Variants in TENM3 observed in about 807,000 individuals in gnomAD.
TENM3 encodes teneurin-3.
A neutral mutation model predicts 255.1 loss-of-function variants in TENM3; 63 were observed. The observed-to-expected ratio is 0.25, with a 90% CI of 0.20 to 0.30. The LOEUF is 0.30. TENM3 is among the 10% of genes least tolerant of loss of function. The pLI, the probability that TENM3 is intolerant of heterozygous loss-of-function variation, is 1.00. For synonymous variants in TENM3, 1,306 were observed against 1,322.3 expected, an observed-to-expected ratio of 0.99 and a Z score of 0.27; for missense variants, 2,929 against 3,461.1, an observed-to-expected ratio of 0.85 and a Z score of 3.86.
the TENM3 span, among the ~76,000 whole-genome samples, chr4:181,561,359 A>AAAT: frequency 6.6e-6 from 1 of 152,076 alleles, no homozygotes; most frequent in Non-Finnish European, 1.5e-5. Flanking sequence ...TTTCTTGAGT[A>AAAT]TGAAATTGAA....
chr4:182,504,637 G>A (rs1031105551), intron 3 of TENM3, among the ~76,000 whole-genome samples: 1 of 152,184 alleles, frequency 6.6e-6, no homozygotes, highest in African/African-American at 2.4e-5. Flanking sequence ...AAGAGGCCTA[G>A]GTGGGATTAA....
chr4:182,150,234 G>C (rs1210437028), intron 1 of TENM3, among the ~76,000 whole-genome samples: 1 of 151,642 alleles, frequency 6.6e-6, no homozygotes, highest in Non-Finnish European at 1.5e-5. Context: ...AAGAGGAAGG[G>C]AGGGGAGTAA....
chr4:181,577,964 G>A, the TENM3 span, among the ~76,000 whole-genome samples: 46 of 152,024 alleles, frequency 3.0e-4, no homozygotes, highest in Middle Eastern at 3.4e-3. Flanking sequence ...CCTTCAGTCC[G>A]TCCATCCTCC....
At chr4:181,636,148 C>T in the TENM3 span, among the ~76,000 whole-genome samples, 13 of 152,130 alleles carry the variant, frequency 8.5e-5, no homozygotes, top group South Asian at 8.3e-4. Context: ...CAGATTCAGG[C>T]GATTCTCCTA....
chr4:181,593,852 A>AT, the TENM3 span, among the ~76,000 whole-genome samples: 3 of 151,878 alleles, frequency 2.0e-5, no homozygotes, highest in Non-Finnish European at 4.4e-5. Context: ...ACAGTAACTA[A>AT]TTTTTTTTCA....
chr4:181,979,865 G>C, the TENM3 span, among the ~76,000 whole-genome samples: 1 of 152,114 alleles, frequency 6.6e-6, no homozygotes, highest in African/African-American at 2.4e-5. Flanking sequence ...AAGTTTGTTT[G>C]TTTGTTCGTT....
the TENM3 span, among the ~76,000 whole-genome samples, chr4:181,925,950 C>A: frequency 6.6e-6 from 1 of 152,180 alleles, no homozygotes; most frequent in Non-Finnish European, 1.5e-5. Flanking sequence ...AGTAAAATCA[C>A]TATTTTGAAT....
the TENM3 span, among the ~76,000 whole-genome samples, chr4:181,652,765 A>G: frequency 2.0e-5 from 3 of 152,216 alleles, no homozygotes; most frequent in Admixed American, 6.5e-5. Context: ...ATAGTAATCA[A>G]TGTTTTCAAA....
chr4:181,628,600 C>T, the TENM3 span, among the ~76,000 whole-genome samples: 1 of 152,192 alleles, frequency 6.6e-6, no homozygotes, highest in South Asian at 2.1e-4. Flanking sequence ...AATCCTTTCC[C>T]CATTGCTTGT....
intron 3 of TENM3, among the ~76,000 whole-genome samples, chr4:182,422,371 T>C (rs1175162859): frequency 6.6e-6 from 1 of 152,218 alleles, no homozygotes; most frequent in Non-Finnish European, 1.5e-5. Context: ...CCGCGTTGTT[T>C]TGACCTGTTG....
chr4:181,954,517 C>G, the TENM3 span, among the ~76,000 whole-genome samples: 1 of 152,110 alleles, frequency 6.6e-6, no homozygotes, highest in African/African-American at 2.4e-5. Flanking sequence ...TTTCTATGGG[C>G]TAATAATCCT....
At chr4:181,579,343 C>T in the TENM3 span, among the ~76,000 whole-genome samples, 2 of 152,142 alleles carry the variant, frequency 1.3e-5, no homozygotes, top group East Asian at 3.9e-4. Context: ...CTGTTCTGTC[C>T]ATTGCCACCA....
the TENM3 span, among the ~76,000 whole-genome samples, chr4:181,504,062 A>G: frequency 6.6e-6 from 1 of 152,204 alleles, no homozygotes; most frequent in African/African-American, 2.4e-5. Context: ...ATCATCCTTT[A>G]GTTACCTGGT....
At chr4:182,306,444 T>C (rs1361391484) in intron 1 of TENM3, among the ~76,000 whole-genome samples, 1 of 152,220 alleles carries the variant, frequency 6.6e-6, no homozygotes, top group Non-Finnish European at 1.5e-5. Flanking sequence ...ACATTTTATA[T>C]GTATGTTATT....
the TENM3 span, among the ~76,000 whole-genome samples, chr4:181,696,389 G>C: frequency 2.0e-5 from 3 of 151,942 alleles, no homozygotes; most frequent in Non-Finnish European, 4.4e-5. Flanking sequence ...TGACCAAAGG[G>C]GACATTGTCT....
chr4:182,562,580 G>A (rs1423284929), intron 3 of TENM3, among the ~76,000 whole-genome samples: 1 of 152,098 alleles, frequency 6.6e-6, no homozygotes, highest in Non-Finnish European at 1.5e-5. Flanking sequence ...GGGCATAGTG[G>A]GGGTTGGGGT....
At chr4:182,160,682 T>C (rs35346098) in intron 1 of TENM3, among the ~76,000 whole-genome samples, 92,688 of 151,942 alleles carry the variant, frequency 0.61, 29,342 homozygotes, top group Middle Eastern at 0.7. Flanking sequence ...GAGGCTGGGA[T>C]GGGACATGGG....
At chr4:182,184,913 T>G (rs555305055) in intron 1 of TENM3, among the ~76,000 whole-genome samples, 1 of 151,994 alleles carries the variant, frequency 6.6e-6, no homozygotes, top group African/African-American at 2.4e-5. Flanking sequence ...TGACACTGCG[T>G]CTCTACTAGA....
At chr4:181,644,062 C>T in the TENM3 span, among the ~76,000 whole-genome samples, 204 of 119,926 alleles carry the variant, frequency 1.7e-3, 1 homozygote, top group African/African-American at 6.2e-3. Context: ...GGTGACAGAA[C>T]AAGACTCCAT....
Sources: allele counts gnomAD v4.1 joint callset (sites outside exome capture counted in the v4.1 genomes callset), GRCh38; gene constraint gnomAD v4.1.1; transcripts MANE v1.5; gene names NCBI Gene and HGNC (gene_info 2026-07-23, HGNC 2026-07-21).